The following NHSL3 variants were observed in gnomAD, a reference collection of about 807,000 sequenced individuals.
NHSL3 encodes NHS-like protein 3.
At chr1:32,772,445 C>T in the NHSL3 span, 12 of 1,518,690 alleles carry the variant, frequency 7.9e-6, no homozygotes, top group Admixed American at 6.6e-5. Context: ...GGCTCAGGTA[C>T]AGTGGGCAGT....
At chr1:32,757,228 G>C in the NHSL3 span, among the ~76,000 whole-genome samples, 1 of 152,192 alleles carries the variant, frequency 6.6e-6, no homozygotes, top group East Asian at 1.9e-4. Flanking sequence ...GAGAATACAA[G>C]GCAGGGAGAG....
chr1:32,753,997 G>C, the NHSL3 span: 2 of 411,716 alleles, frequency 4.9e-6, no homozygotes, highest in East Asian at 8.4e-5. Context: ...GTGCCCGCCC[G>C]CGAGTCTCGC....
the NHSL3 span, chr1:32,770,996 G>A: frequency 1.1e-5 from 17 of 1,589,968 alleles, no homozygotes; most frequent in Non-Finnish European, 1.3e-5. The surrounding 1 kb of genome is among the most constrained non-coding windows in gnomAD (Gnocchi z 8.3). Context: ...GCTTCCCCAG[G>A]CAAGGCCCAG....
chr1:32,760,704 C>T, the NHSL3 span, among the ~76,000 whole-genome samples: 1 of 151,882 alleles, frequency 6.6e-6, no homozygotes, highest in African/African-American at 2.4e-5. Flanking sequence ...GATTCTCCTG[C>T]CTCAGCCTCC....
At chr1:32,761,373 C>T in the NHSL3 span, among the ~76,000 whole-genome samples, 4 of 152,050 alleles carry the variant, frequency 2.6e-5, no homozygotes, top group Non-Finnish European at 4.4e-5. Flanking sequence ...GGAGGGGTGT[C>T]GCTGGGGCAA....
chr1:32,750,238 C>T, the NHSL3 span, among the ~76,000 whole-genome samples: 2 of 152,070 alleles, frequency 1.3e-5, no homozygotes, highest in Admixed American at 1.3e-4. Context: ...TTAGTTATAC[C>T]CCACTGTACT....
the NHSL3 span, chr1:32,742,055 T>G: frequency 7.9e-7 from 1 of 1,261,540 alleles, no homozygotes; most frequent in Non-Finnish European, 1.0e-6. Flanking sequence ...GCGTCCGGCC[T>G]CCGCCGCGCC....
the NHSL3 span, chr1:32,768,759 G>A: frequency 6.2e-7 from 1 of 1,613,950 alleles, no homozygotes; most frequent in Non-Finnish European, 8.5e-7. Flanking sequence ...TCCGCTCGGA[G>A]ATGATCCAGC....
At chr1:32,771,364 C>A in the NHSL3 span, 2 of 1,577,776 alleles carry the variant, frequency 1.3e-6, no homozygotes, top group Non-Finnish European at 1.7e-6. Context: ...AGACCAGTCA[C>A]CCCCACCTTC....
chr1:32,772,038 C>A, the NHSL3 span: 1 of 1,604,988 alleles, frequency 6.2e-7, no homozygotes, highest in Non-Finnish European at 8.5e-7. Context: ...CTCAGCCCAA[C>A]GGACCGCCTG....
At chr1:32,772,725 G>T in the NHSL3 span, 1 of 885,526 alleles carries the variant, frequency 1.1e-6, no homozygotes, top group East Asian at 2.6e-5. Context: ...CATGTGTAGG[G>T]TGTCCAGCCC....
At chr1:32,769,968 C>G in the NHSL3 span, 5 of 1,607,598 alleles carry the variant, frequency 3.1e-6, no homozygotes, top group East Asian at 1.1e-4. Context: ...ACGGCCGCCC[C>G]CGAGGCACCT....
At chr1:32,757,659 T>C in the NHSL3 span, among the ~76,000 whole-genome samples, 21 of 152,148 alleles carry the variant, frequency 1.4e-4, no homozygotes, top group Non-Finnish European at 2.6e-4. Flanking sequence ...TCATTTGTCC[T>C]TTGTCCTCCA....
the NHSL3 span, among the ~76,000 whole-genome samples, chr1:32,742,627 A>G: frequency 1.3e-5 from 2 of 152,218 alleles, no homozygotes; most frequent in African/African-American, 4.8e-5. Flanking sequence ...CGCACTCACA[A>G]AGAGTTTCAG....
At chr1:32,770,018 C>T in the NHSL3 span, 41 of 1,594,832 alleles carry the variant, frequency 2.6e-5, no homozygotes, top group South Asian at 2.1e-4. This position sits in a 1 kb window ranked among gnomAD's most constrained non-coding sequence, Gnocchi z 8.3. Context: ...GCGCTGGAGG[C>T]GGAGGCGGAG....
the NHSL3 span, chr1:32,771,290 C>T: frequency 1.9e-6 from 3 of 1,607,156 alleles, no homozygotes; most frequent in South Asian, 3.3e-5. Flanking sequence ...GACGCCAGTC[C>T]TCAGTCCCCT....
chr1:32,743,699 G>T, the NHSL3 span, among the ~76,000 whole-genome samples: 12 of 152,236 alleles, frequency 7.9e-5, no homozygotes, highest in Non-Finnish European at 1.3e-4. Context: ...AGCCTGGAAG[G>T]CAGGGGGCTG....
chr1:32,767,699 G>A, the NHSL3 span: 1 of 1,178,216 alleles, frequency 8.5e-7, no homozygotes, highest in Non-Finnish European at 1.2e-6. Flanking sequence ...TGCAGTCTGG[G>A]GACCATGACT....
chr1:32,754,894 C>T, the NHSL3 span, among the ~76,000 whole-genome samples: 3 of 151,992 alleles, frequency 2.0e-5, no homozygotes, highest in Admixed American at 6.6e-5. Context: ...TCCCTACCCC[C>T]ACCCGCGCCA....
Sources: allele counts gnomAD v4.1 joint callset (sites outside exome capture counted in the v4.1 genomes callset), GRCh38; gene constraint gnomAD v4.1.1; non-coding constraint Gnocchi (gnomAD v3.1); transcripts MANE v1.5; gene names NCBI Gene and HGNC (gene_info 2026-07-23, HGNC 2026-07-21).